STXBP5L: variants seen among roughly 807,000 people sequenced by gnomAD.
STXBP5L encodes the protein syntaxin binding protein 5L, also known as syntaxin-binding protein 5-like.
Under a neutral mutation model 144.5 loss-of-function variants are expected in STXBP5L, and 65 were observed. The observed-to-expected ratio is 0.45, with a 90% CI of 0.37 to 0.55. STXBP5L has a LOEUF of 0.55. Among genes scored for constraint, STXBP5L ranks in the 20% least tolerant of loss-of-function variants. The pLI is 0.00. For synonymous variants in STXBP5L, 505 were observed against 469.6 expected (o/e 1.08, Z -0.97); for missense variants, 1,298 against 1,405.5 (o/e 0.92, Z 1.22).
Position 121,407,464 on chromosome 3 carries a change from T to G in STXBP5L, c.2809T>G (p.Phe937Val), listed in dbSNP as rs1467649705. 1 of 1,613,376 alleles carries G rather than the reference T, an allele frequency of 6.2e-7. No individual in the cohort carries two copies. The highest frequency in any genetic ancestry group is 8.5e-7 in the Non-Finnish European group (1 of 1,179,492). ...CTGCTCAGAAAAACAAGCCAAAGTC[T>G]TCTCACTGCCTTCTCAGACTTGCCT... ...IICSEKQAKV[F>V]SLPSQTCLYV... is the part of the protein sequence containing the mutation. Residue 937 changes from phenylalanine to valine, a missense_variant, in exon 23 of 27, where the codon TTC becomes GTC. Phe to Val is a conservative substitution (Grantham distance 50, BLOSUM62 -1). Coordinates refer to ENST00000471454, the MANE Select transcript of STXBP5L (RefSeq NM_001308330.2).
chr3:121,157,831 C>T, intron 9 of STXBP5L: 1 of 609,810 alleles, frequency 1.6e-6, no homozygotes, highest in South Asian at 2.5e-5. Context: ...ACCCACATCC[C>T]TGTTTTGTAA....
intron 15 of STXBP5L, among the ~76,000 whole-genome samples, chr3:121,252,332 C>T (rs1465884097): frequency 6.6e-6 from 1 of 151,834 alleles, no homozygotes; most frequent in Non-Finnish European, 1.5e-5. Flanking sequence ...CACCACTGCG[C>T]TCCAGCCTGG....
At chr3:121,107,233 G>A (rs895002794) in intron 5 of STXBP5L, among the ~76,000 whole-genome samples, 1 of 152,000 alleles carries the variant, frequency 6.6e-6, no homozygotes, top group Non-Finnish European at 1.5e-5. Context: ...GATCCCGTTT[G>A]TTAATTTTTG....
At chr3:121,285,207 T>A (rs1206774706) in intron 19 of STXBP5L, among the ~76,000 whole-genome samples, 1 of 152,048 alleles carries the variant, frequency 6.6e-6, no homozygotes, top group Admixed American at 6.6e-5. Flanking sequence ...TATCCACTAG[T>A]GATTATAACC....
chr3:121,219,186 C>G (rs2048897593), intron 10 of STXBP5L, among the ~76,000 whole-genome samples: 1 of 152,034 alleles, frequency 6.6e-6, no homozygotes, highest in Non-Finnish European at 1.5e-5. Context: ...GCTTAGCACA[C>G]AAGGAGGTTA....
chr3:121,008,054 CTCA>C (rs1944480956), intron 3 of STXBP5L, among the ~76,000 whole-genome samples: 1 of 151,926 alleles, frequency 6.6e-6, no homozygotes, highest in South Asian at 2.1e-4. Flanking sequence ...TTTCCTTACT[CTCA>C]TCCAGCACTT....
At chr3:120,974,678 C>T (rs1240276816) in intron 3 of STXBP5L, among the ~76,000 whole-genome samples, 1 of 152,144 alleles carries the variant, frequency 6.6e-6, no homozygotes, top group Non-Finnish European at 1.5e-5. Flanking sequence ...GGTTTTAGGT[C>T]TGACGTTTAA....
At chr3:121,162,403 T>G (rs115360927) in intron 9 of STXBP5L, among the ~76,000 whole-genome samples, 5,326 of 152,158 alleles carry the variant, frequency 0.035, 126 homozygotes, top group Admixed American at 0.05. Flanking sequence ...TCCTTATACC[T>G]TATATAAAAA....
At chr3:121,311,832 G>GA (rs2043539898) in intron 19 of STXBP5L, among the ~76,000 whole-genome samples, 1 of 151,984 alleles carries the variant, frequency 6.6e-6, no homozygotes, top group Non-Finnish European at 1.5e-5. Context: ...CACAGAATTG[G>GA]AAAAAACTAC....
chr3:120,999,109 G>A (rs570875889), intron 3 of STXBP5L, among the ~76,000 whole-genome samples: 152 of 152,280 alleles, frequency 1.0e-3, no homozygotes, highest in Non-Finnish European at 8.8e-5. Context: ...CTGGAGTGCA[G>A]TGGCATGATT....
At chr3:120,953,990 G>T (rs1937739728) in intron 2 of STXBP5L, among the ~76,000 whole-genome samples, 1 of 152,060 alleles carries the variant, frequency 6.6e-6, no homozygotes, top group South Asian at 2.1e-4. Flanking sequence ...AGAAAGAAAA[G>T]TTGAAAGAAT....
chr3:121,321,551 C>G (rs549595315), intron 20 of STXBP5L, among the ~76,000 whole-genome samples: 1 of 152,306 alleles, frequency 6.6e-6, no homozygotes, highest in Non-Finnish European at 1.5e-5. Context: ...TTGCTGCATT[C>G]TGATTCAGTA....
chr3:121,025,537 TC>T (rs1303258324), intron 3 of STXBP5L, among the ~76,000 whole-genome samples: 2 of 152,084 alleles, frequency 1.3e-5, no homozygotes, highest in African/African-American at 4.8e-5. Context: ...GTACAGACTT[TC>T]CAGTTTACTA....
chr3:121,407,761 G>T, intron 23 of STXBP5L, 158 bp downstream of exon 23: 1 of 1,056,306 alleles, frequency 9.5e-7, no homozygotes, highest in Non-Finnish European at 1.3e-6. Context: ...GATTTGATGA[G>T]AGTTTGGGGG....
intron 15 of STXBP5L, among the ~76,000 whole-genome samples, chr3:121,253,789 C>T (rs1023668074): frequency 1.1e-4 from 16 of 145,870 alleles, no homozygotes; most frequent in African/African-American, 3.8e-4. Context: ...CGCCACCACG[C>T]CCCGCTAATT....
In STXBP5L at chr3:121,120,353, T is replaced by A. The variant is rs185321774; in HGVS notation, c.606-1288T>A. Among the ~76,000 whole-genome samples, 686 of 151,370 alleles carry A rather than the reference T, an allele frequency of 4.5e-3. 2 individuals carry two copies. The highest frequency in any genetic ancestry group is 0.015 in the African/African-American group (639 of 41,518). On this transcript the variant is annotated intron_variant, in intron 6 of 26. Coordinates refer to ENST00000471454, the MANE Select transcript of STXBP5L (RefSeq NM_001308330.2). ...ATGTTACATATAAATGTGGAAAAAA[T>A]TAAAGAAATATCTGTAAACTTTTTA...
chr3:121,346,386 A>G (rs557192737), intron 20 of STXBP5L, among the ~76,000 whole-genome samples: 3 of 151,658 alleles, frequency 2.0e-5, no homozygotes, highest in African/African-American at 7.3e-5. Context: ...AGTCTTTGCT[A>G]TTATGAATAG....
At chr3:121,355,513 C>T (rs114518927) in intron 20 of STXBP5L, among the ~76,000 whole-genome samples, 5 of 152,144 alleles carry the variant, frequency 3.3e-5, no homozygotes, top group African/African-American at 4.8e-5. Context: ...ACGAATTTCT[C>T]GTGCCATGGT....
At chr3:121,180,492 G>A (rs563632092) in intron 9 of STXBP5L, among the ~76,000 whole-genome samples, 2 of 152,260 alleles carry the variant, frequency 1.3e-5, no homozygotes, top group East Asian at 3.9e-4. Context: ...TCCTTAAACC[G>A]TGAAGCTCAT....
Sources: gnomAD v4.1 joint callset for allele counts (sites outside exome capture counted in the v4.1 genomes callset) on GRCh38, gnomAD v4.1.1 for gene constraint, MANE v1.5 for transcripts, NCBI Gene and HGNC (gene_info 2026-07-23, HGNC 2026-07-21) for gene names.